Variants in HDAC9 observed in about 807,000 individuals in gnomAD.
The protein encoded by HDAC9 is MEF-2 interacting transcription repressor (MITR) protein.
In HDAC9, 41 loss-of-function variants were observed where a neutral mutation model predicts 139.4. That is an observed-to-expected ratio of 0.29 (90% CI 0.23 to 0.38). The LOEUF is 0.38. Among genes scored for constraint, HDAC9 ranks in the 10% least tolerant of loss-of-function variants. The probability of loss-of-function intolerance (pLI) is 1.00; values close to 1 mark genes in which losing one functional copy is unlikely to be tolerated. For missense variants in HDAC9, 1,147 were observed against 1,297.0 expected (o/e 0.88, Z 1.78); for synonymous variants, 517 against 476.2 (o/e 1.09, Z -1.12).
chr7:18,364,619 C>T (rs920001596), intron 1 of HDAC9, among the ~76,000 whole-genome samples: 1 of 151,970 alleles, frequency 6.6e-6, no homozygotes, highest in South Asian at 2.1e-4. Flanking sequence ...GAATCTCAGG[C>T]CCCCAAAGCC....
chr7:18,242,963 G>A (rs1794285953), intron 2 of HDAC9, among the ~76,000 whole-genome samples: 1 of 152,140 alleles, frequency 6.6e-6, no homozygotes, highest in Admixed American at 6.5e-5. Flanking sequence ...GATACTGAGT[G>A]CTCTACTTCT....
At chr7:18,757,940 A>G (rs942770248) in intron 14 of HDAC9, among the ~76,000 whole-genome samples, 8 of 152,172 alleles carry the variant, frequency 5.3e-5, no homozygotes, top group Non-Finnish European at 1.5e-5. Context: ...CAAACTCCCA[A>G]CCTGAATATA....
chr7:18,949,697 C>G (rs1374753706), intron 23 of HDAC9: 1 of 152,716 alleles, frequency 6.5e-6, no homozygotes, highest in Non-Finnish European at 1.5e-5. Context: ...AGCTTTAGTT[C>G]ACAATTAAAA....
Position 18,243,295 on chromosome 7 carries a change from T to G in HDAC9, c.25+80946T>G, listed in dbSNP as rs150723085. Among the ~76,000 whole-genome samples the G allele has an allele frequency of 3.9e-5, 6 of 152,356 alleles. No individual in the cohort carries two copies. In the East Asian group the frequency reaches 7.7e-4, roughly 20 times the overall value. On this transcript the variant is annotated intron_variant, in intron 2 of 12. Transcript: ENST00000417496. ...TACGAAACTATTCTTGACTTCCTTTTCTTTGGTTCTAAGGACTAAAGCATA... is the reference window on the plus strand; with the variant it reads ...TACGAAACTATTCTTGACTTCCTTTGCTTTGGTTCTAAGGACTAAAGCATA...
rs58217988 is a variant in HDAC9, at chr7:18,823,905, C to T, written c.2323-5256C>T. ...GAGGTGGGAGGATGACTTTAGCCCA[C>T]GGGTTGAGACTGCAGTGAGCTGAGA... On this transcript the variant is annotated intron_variant, in intron 17 of 25. Transcript: ENST00000686413. 7.8e-3 allele frequency among the ~76,000 whole-genome samples: 1,179 copies of T among 151,460 alleles called. 14 individuals carry two copies. The highest frequency in any genetic ancestry group is 0.027 in the African/African-American group (1,099 of 41,214).
chr7:18,661,864 A>G (rs1321260298), intron 11 of HDAC9, among the ~76,000 whole-genome samples: 1 of 152,134 alleles, frequency 6.6e-6, no homozygotes, highest in Admixed American at 6.6e-5. Flanking sequence ...TCTGTATTGC[A>G]TATCAAAAAT....
At chr7:18,195,115 T>G (rs1392955141) in intron 2 of HDAC9, among the ~76,000 whole-genome samples, 1 of 152,156 alleles carries the variant, frequency 6.6e-6, no homozygotes, top group Non-Finnish European at 1.5e-5. Context: ...AAACTTATTC[T>G]CTATCTGAAA....
intron 22 of HDAC9, among the ~76,000 whole-genome samples, chr7:18,930,455 A>G (rs1804636390): frequency 6.6e-6 from 1 of 151,888 alleles, no homozygotes. Context: ...TCTAACACAC[A>G]CATACACACA....
chr7:18,732,643 A>G (rs1239099377), intron 13 of HDAC9, among the ~76,000 whole-genome samples: 1 of 113,758 alleles, frequency 8.8e-6, no homozygotes, highest in South Asian at 2.8e-4. Context: ...ATGTGTGCAT[A>G]TGTGTATATA....
Position 18,930,989 on chromosome 7 carries a change from G to T in HDAC9, c.2804-4820G>T, listed in dbSNP as rs1804692393. ...CCAGTGATTTGGTTTGTTCAGTAGT[G>T]ACTTTAGATAATTGAATTCTCAGTT... On this transcript the variant is annotated intron_variant, in intron 22 of 25. Coordinates refer to ENST00000686413, the MANE Select transcript of HDAC9 (RefSeq NM_178425.4). 2.0e-5 allele frequency among the ~76,000 whole-genome samples: 3 copies of T among 152,226 alleles called. 1 individual carries two copies. The South Asian group carries it at 6.2e-4, about 32-fold the overall frequency.
At chr7:18,799,612 T>A (rs938799538) in intron 17 of HDAC9, among the ~76,000 whole-genome samples, 1 of 152,140 alleles carries the variant, frequency 6.6e-6, no homozygotes, top group African/African-American at 2.4e-5. Context: ...CAAGGAAAAT[T>A]CTGGATTTGA....
At position 18,647,912 on chromosome 7, in the gene HDAC9, G is replaced by C. The variant is rs763801982; in HGVS notation, c.1163G>C (p.Gly388Ala). The change falls in exon 10 of 26, where the codon GGA becomes GCA. Residue 388 changes from glycine (G) to alanine (A), a missense_variant. Physicochemically the swap from Gly to Ala is moderately conservative, Grantham distance 60 (BLOSUM62 0). This residue lies in a region of HDAC9 where 264 missense variants were observed against 273.8 expected (regional missense o/e 0.96). Transcript: ENST00000686413. ...SSSHPHVTLE[G>A]KPPNSSHQAL... Reference sequence around the variant, plus strand: ...AGCCACCCTCATGTTACTTTAGAGGGAAAGCCACCCAACAGCAGCCACCAG... The same window carrying C: ...AGCCACCCTCATGTTACTTTAGAGGCAAAGCCACCCAACAGCAGCCACCAG... 2 of 1,612,948 alleles carry C rather than the reference G, an allele frequency of 1.2e-6. No homozygotes were observed. Among genetic ancestry groups the C allele is most frequent in the Non-Finnish European group, 1.7e-6 (2 of 1,179,482 alleles).
At chr7:18,435,158 A>G (rs1791069422) in intron 1 of HDAC9, among the ~76,000 whole-genome samples, 1 of 152,022 alleles carries the variant, frequency 6.6e-6, no homozygotes, top group African/African-American at 2.4e-5. Context: ...GCAGGAACAG[A>G]AAACCAAGTA....
intron 1 of HDAC9, among the ~76,000 whole-genome samples, chr7:18,483,471 G>A (rs1293771475): frequency 6.6e-6 from 1 of 152,152 alleles, no homozygotes; most frequent in Non-Finnish European, 1.5e-5. Flanking sequence ...GTGTTTTGAG[G>A]ATTATTTATG....
At chr7:18,229,574 A>C (rs1378344025) in intron 2 of HDAC9, among the ~76,000 whole-genome samples, 1 of 152,142 alleles carries the variant, frequency 6.6e-6, no homozygotes, top group Admixed American at 6.5e-5. Flanking sequence ...TTACTTGGTG[A>C]GTTATGGATG....
intron 3 of HDAC9, among the ~76,000 whole-genome samples, chr7:18,590,084 G>A (rs1830511463): frequency 6.6e-6 from 1 of 152,192 alleles, no homozygotes; most frequent in Admixed American, 6.5e-5. Flanking sequence ...GAAGACCTGA[G>A]TGAATTTAAC....
chr7:18,893,343 T>C (rs909598097), intron 22 of HDAC9, among the ~76,000 whole-genome samples: 2 of 152,022 alleles, frequency 1.3e-5, no homozygotes, highest in African/African-American at 4.8e-5. Flanking sequence ...ATCAACCAAA[T>C]ACCATGGCCT....
intron 1 of HDAC9, among the ~76,000 whole-genome samples, chr7:18,305,312 G>A (rs1425986420): frequency 6.6e-6 from 1 of 152,120 alleles, no homozygotes; most frequent in African/African-American, 2.4e-5. Flanking sequence ...GCCGGTGCCT[G>A]ACACATAGCA....
chr7:18,567,771 A>G (rs796545480), intron 2 of HDAC9, among the ~76,000 whole-genome samples: 1 of 152,076 alleles, frequency 6.6e-6, no homozygotes, highest in African/African-American at 2.4e-5. Flanking sequence ...CTACAGATCT[A>G]TTACTAGGGT....
Sources: allele counts gnomAD v4.1 joint callset (sites outside exome capture counted in the v4.1 genomes callset), GRCh38; gene constraint gnomAD v4.1.1; regional missense constraint gnomAD v4.1.1; transcripts MANE v1.5; gene names NCBI Gene and HGNC (gene_info 2026-07-23, HGNC 2026-07-21).